Variants in SLC2A9 observed in about 807,000 individuals in gnomAD.
The protein encoded by SLC2A9 is solute carrier family 2, facilitated glucose transporter member 9.
Under a neutral mutation model 50.6 loss-of-function variants are expected in SLC2A9, and 39 were observed. The observed-to-expected ratio is 0.77, with a 90% CI of 0.60 to 1.01. The LOEUF is 1.01. Ranked by LOEUF, SLC2A9 falls within the 50% of genes least tolerant of loss-of-function variation. The probability of loss-of-function intolerance (pLI) is 0.00; values close to 1 mark genes in which losing one functional copy is unlikely to be tolerated. For missense variants in SLC2A9, 686 were observed against 677.6 expected (o/e 1.01, Z -0.14); for synonymous variants, 324 against 276.9 (o/e 1.17, Z -1.69).
At chr4:10,020,943 C>T (rs1044153195) in intron 1 of SLC2A9, among the ~76,000 whole-genome samples, 5 of 152,196 alleles carry the variant, frequency 3.3e-5, no homozygotes, top group Admixed American at 2.0e-4. Flanking sequence ...GCCCACTGAC[C>T]GACGGTGCTG....
intron 8 of SLC2A9, 38 bp downstream of exon 8, chr4:9,908,197 C>T: frequency 1.5e-6 from 2 of 1,371,674 alleles, no homozygotes; most frequent in Non-Finnish European, 2.1e-6. Flanking sequence ...TGTGTAACCC[C>T]CTGTGGCATT....
chr4:9,886,393 T>C (rs1177422445), intron 10 of SLC2A9, among the ~76,000 whole-genome samples: 1 of 151,862 alleles, frequency 6.6e-6, no homozygotes, highest in Non-Finnish European at 1.5e-5. Flanking sequence ...GCTTTCTTTT[T>C]CTTGCAGCCG....
At chr4:9,775,647 G>A (rs956395774), downstream of SLC2A9, among the ~76,000 whole-genome samples, 3 of 151,916 alleles carry the variant, frequency 2.0e-5, no homozygotes, top group African/African-American at 4.8e-5. Context: ...CACACCCACC[G>A]ACTCTCTCTT....
At chr4:9,902,166 G>A (rs772840044) in intron 8 of SLC2A9, among the ~76,000 whole-genome samples, 22 of 152,218 alleles carry the variant, frequency 1.4e-4, no homozygotes, top group East Asian at 9.7e-4. Context: ...AACTGCCCCC[G>A]TCTCTCCATT....
At chr4:9,909,245 C>T (rs550491308) in intron 7 of SLC2A9, among the ~76,000 whole-genome samples, 3 of 152,298 alleles carry the variant, frequency 2.0e-5, no homozygotes, top group South Asian at 4.1e-4. Flanking sequence ...TTACTGACTA[C>T]ACTGGTTCTG....
intron 11 of SLC2A9, among the ~76,000 whole-genome samples, chr4:9,833,779 G>T (rs535728453): frequency 6.6e-6 from 1 of 152,284 alleles, no homozygotes; most frequent in African/African-American, 2.4e-5. Flanking sequence ...AGGAAGACAG[G>T]ATTGAAATAG....
rs1764148398 is a variant in SLC2A9, at chr4:10,037,612, G to GA, written c.-41+2517dup. ...CAACAGTTTAAAAAATAAAATGAAT[G>GA]AAAAAAACCTAACTTTATCACAAAC... is the stretch of plus-strand genomic sequence containing the variant. On this transcript the variant is annotated intron_variant, in intron 1 of 12. Coordinates refer to the SLC2A9 transcript ENST00000309065. Among the ~76,000 whole-genome samples the GA allele has an allele frequency of 1.3e-5, 2 of 152,022 alleles. 1 individual carries two copies. Among genetic ancestry groups the GA allele is most frequent in the Non-Finnish European group, 2.9e-5 (2 of 67,996 alleles).
rs77138280 is a variant in SLC2A9, at chr4:9,802,041, C to A, written n.421-2800G>T. ...TCTACTCCATCCCACTTGAGATGCT[C>A]CCTGGAGGAGGCCACCTGCTTTGCC... On this transcript the variant is annotated intron_variant and non_coding_transcript_variant, in intron 3 of 3. Transcript: ENST00000503280. 5.8e-3 allele frequency among the ~76,000 whole-genome samples: 876 copies of A among 152,284 alleles called. 31 individuals are homozygous for A. The East Asian group carries it at 0.08, about 14-fold the overall frequency.
At chr4:10,018,661 C>T (rs1763064975) in intron 2 of SLC2A9, among the ~76,000 whole-genome samples, 2 of 152,306 alleles carry the variant, frequency 1.3e-5, no homozygotes, top group African/African-American at 4.8e-5. Context: ...GTTCTTTCCC[C>T]GGCATTAGGG....
At chr4:9,977,604 G>T (rs1358244461) in intron 5 of SLC2A9, among the ~76,000 whole-genome samples, 8 of 128,074 alleles carry the variant, frequency 6.2e-5, no homozygotes, top group Admixed American at 2.0e-4. Flanking sequence ...CTGAACAAAT[G>T]CCAGGGCCTT....
chr4:10,030,129 A>G (rs1032102461), intron 1 of SLC2A9, among the ~76,000 whole-genome samples: 1 of 152,242 alleles, frequency 6.6e-6, no homozygotes, highest in Non-Finnish European at 1.5e-5. Flanking sequence ...AGACAGGAGG[A>G]TAAGTTTTCC....
At chr4:9,989,389 T>C (rs187225318) in intron 3 of SLC2A9, among the ~76,000 whole-genome samples, 4 of 152,310 alleles carry the variant, frequency 2.6e-5, no homozygotes, top group African/African-American at 9.6e-5. Context: ...CCTTCTCTCC[T>C]AGAGGACTAT....
At position 10,001,282 on chromosome 4, in the gene SLC2A9, G is replaced by C. The variant is rs1759752654; in HGVS notation, c.250-4341C>G. 3.9e-5 allele frequency among the ~76,000 whole-genome samples: 6 copies of C among 152,134 alleles called. No individual in the cohort carries two copies. In the South Asian group the frequency reaches 1.2e-3, roughly 31 times the overall value. On this transcript the variant is annotated intron_variant, in intron 2 of 11. Transcript: ENST00000264784. ...CATTAAAATGAGGTCACTAGAGTGG[G>C]CCCTAATCCAACGTGACTGGTACCC...
chr4:9,808,238 TG>T (rs1164918137), intron 3 of SLC2A9, among the ~76,000 whole-genome samples: 2 of 152,202 alleles, frequency 1.3e-5, no homozygotes, highest in Non-Finnish European at 2.9e-5. Context: ...TCAGAAAACT[TG>T]TTTCCATTTT....
chr4:9,948,135 A>C (rs1578031736), intron 5 of SLC2A9, among the ~76,000 whole-genome samples: 2 of 149,446 alleles, frequency 1.3e-5, no homozygotes, highest in South Asian at 4.3e-4. Flanking sequence ...CCCACCCCTT[A>C]CCTTCCATGA....
intron 9 of SLC2A9, among the ~76,000 whole-genome samples, chr4:9,889,148 GAC>G (rs1736847271): frequency 6.6e-6 from 1 of 152,194 alleles, no homozygotes; most frequent in Non-Finnish European, 1.5e-5. Flanking sequence ...ACCTCACCCA[GAC>G]TTGGAAGCAA....
chr4:9,876,445 G>T (rs1471344914), intron 10 of SLC2A9, among the ~76,000 whole-genome samples: 1 of 152,156 alleles, frequency 6.6e-6, no homozygotes, highest in Non-Finnish European at 1.5e-5. Flanking sequence ...AATTTAAAAA[G>T]TAGCCAGGTA....
chr4:9,835,887 G>T (rs991950949), intron 10 of SLC2A9, among the ~76,000 whole-genome samples: 7 of 152,046 alleles, frequency 4.6e-5, no homozygotes, highest in Non-Finnish European at 7.4e-5. Context: ...AGGAGTTTGA[G>T]ACCAGCCTGA....
intron 6 of SLC2A9, among the ~76,000 whole-genome samples, chr4:9,933,949 T>G (rs1362501871): frequency 6.6e-6 from 1 of 152,190 alleles, no homozygotes; most frequent in Non-Finnish European, 1.5e-5. Flanking sequence ...TTTCCACTTA[T>G]AAGAACCCTT....
Sources: allele counts gnomAD v4.1 joint callset (sites outside exome capture counted in the v4.1 genomes callset), GRCh38; gene constraint gnomAD v4.1.1; transcripts MANE v1.5; gene names NCBI Gene and HGNC (gene_info 2026-07-23, HGNC 2026-07-21).